The following SFTPD variants were observed in gnomAD, a reference collection of about 807,000 sequenced individuals.
SFTPD encodes the protein pulmonary surfactant-associated protein D.
A neutral mutation model predicts 34.6 loss-of-function variants in SFTPD; 18 were observed. That is an observed-to-expected ratio of 0.52 (90% CI 0.36 to 0.77). SFTPD has a LOEUF of 0.77. Among genes scored for constraint, SFTPD ranks in the 30% least tolerant of loss-of-function variants. The probability of loss-of-function intolerance (pLI) is 0.00; values close to 1 mark genes in which losing one functional copy is unlikely to be tolerated. For missense variants in SFTPD, 433 were observed against 468.9 expected, an observed-to-expected ratio of 0.92 and a Z score of 0.71; for synonymous variants, 155 against 180.9, an observed-to-expected ratio of 0.86 and a Z score of 1.15.
chr10:79,945,328 C>A (rs1330946160), intron 2 of SFTPD, among the ~76,000 whole-genome samples: 2 of 152,142 alleles, frequency 1.3e-5, no homozygotes, highest in Non-Finnish European at 2.9e-5. Context: ...CCTGGACAGC[C>A]CTCCCCAAGC....
intron 2 of SFTPD, among the ~76,000 whole-genome samples, chr10:79,944,554 G>A (rs958880426): frequency 6.6e-6 from 1 of 152,134 alleles, no homozygotes; most frequent in African/African-American, 2.4e-5. Context: ...AAGCTATGTG[G>A]TTGGAGCTGA....
chr10:79,974,545 G>A (rs1201928917), intron 1 of SFTPD, among the ~76,000 whole-genome samples: 1 of 151,398 alleles, frequency 6.6e-6, no homozygotes. Context: ...TAGTTCTCTG[G>A]TTCATTAAAA....
chr10:79,944,209 C>T (rs1842643288), intron 2 of SFTPD, among the ~76,000 whole-genome samples: 1 of 152,260 alleles, frequency 6.6e-6, no homozygotes, highest in Non-Finnish European at 1.5e-5. Context: ...TCTCTGGAGC[C>T]TCTAATACAT....
chr10:79,945,746 A>AT (rs1185455340), intron 2 of SFTPD, among the ~76,000 whole-genome samples: 3 of 152,172 alleles, frequency 2.0e-5, no homozygotes, highest in African/African-American at 7.2e-5. Context: ...CCATTACCAG[A>AT]TAAAAAAAAC....
In SFTPD at chr10:79,942,844, C is replaced by G; in HGVS notation, c.235G>C (p.Gly79Arg). ...TTGGGCCCAACTGGGCCAGCTTGTCCAGGCATCCCTGCTTGCCCTGCAGCT... is the reference window on the plus strand; with the variant it reads ...TTGGGCCCAACTGGGCCAGCTTGTCGAGGCATCCCTGCTTGCCCTGCAGCT... ...PGAAGQAGMPGQAGPVGPKGD... is the reference protein window; with the variant it reads ...PGAAGQAGMPRQAGPVGPKGD... The change falls in exon 3 of 8, where the codon GGA becomes CGA. Residue 79 changes from glycine to arginine, a missense_variant. By Grantham distance (125) the Gly-to-Arg change is moderately radical. Transcript: ENST00000372292. 6.2e-7 allele frequency: 1 copy of G among 1,614,038 alleles called. No homozygotes were observed. Among genetic ancestry groups the G allele is most frequent in the South Asian group, 1.1e-5 (1 of 91,076 alleles).
chr10:79,974,511 A>G (rs181506564), intron 1 of SFTPD, among the ~76,000 whole-genome samples: 2 of 152,280 alleles, frequency 1.3e-5, no homozygotes. Context: ...AGTCATGCCT[A>G]TATTTTCAAG....
chr10:79,946,959 A>C (rs1393175592), intron 1 of SFTPD, among the ~76,000 whole-genome samples: 1 of 152,210 alleles, frequency 6.6e-6, no homozygotes, highest in East Asian at 1.9e-4. Flanking sequence ...AGTTTGGCAC[A>C]GTGGCTAGGA....
At chr10:79,973,617 C>CA (rs5786429) in intron 1 of SFTPD, among the ~76,000 whole-genome samples, 43,115 of 90,482 alleles carry the variant, frequency 0.48, 9,828 homozygotes, top group African/African-American at 0.53. Context: ...GACTCTGTCT[C>CA]AAAAAAAAAA....
intron 1 of SFTPD, chr10:79,970,581 T>C (rs1842829670): frequency 6.6e-6 from 1 of 152,172 alleles, no homozygotes; most frequent in Admixed American, 6.5e-5. Context: ...AGAGATCTTT[T>C]ATCTCCTCAT....
intron 2 of SFTPD, among the ~76,000 whole-genome samples, chr10:79,943,692 C>T (rs1486797668): frequency 1.3e-5 from 2 of 152,170 alleles, no homozygotes; most frequent in East Asian, 1.9e-4. Flanking sequence ...CCAGCAGCAC[C>T]ACCACCTGGA....
At chr10:79,972,987 A>G (rs1451058170) in intron 1 of SFTPD, 4 of 152,214 alleles carry the variant, frequency 2.6e-5, no homozygotes, top group Admixed American at 6.5e-5. Flanking sequence ...GATTGACTCA[A>G]TGAGCTTATA....
At chr10:79,942,308 T>C in intron 4 of SFTPD, 80 bp downstream of exon 4, 2 of 995,276 alleles carry the variant, frequency 2.0e-6, no homozygotes, top group Non-Finnish European at 3.2e-6. Context: ...CCTGGCACTC[T>C]GAGCACGCCT....
At chr10:79,951,257 A>G (rs563379732), upstream of SFTPD, among the ~76,000 whole-genome samples, 12 of 152,302 alleles carry the variant, frequency 7.9e-5, no homozygotes, top group African/African-American at 2.6e-4. Flanking sequence ...ATGTCAAAAT[A>G]CTGGTTTTTC....
chr10:79,942,202 G>T, intron 4 of SFTPD, 132 bp from the exon 5 acceptor site: 1 of 770,152 alleles, frequency 1.3e-6, no homozygotes, highest in South Asian at 1.7e-5. Flanking sequence ...CTTGCTTTCT[G>T]GGGCTCCTCT....
chr10:79,953,161 C>T (rs2097255031), upstream of SFTPD, among the ~76,000 whole-genome samples: 1 of 152,230 alleles, frequency 6.6e-6, no homozygotes, highest in South Asian at 2.1e-4. Context: ...TCCAATGTCT[C>T]TAGACAGCCA....
At chr10:79,941,562 T>G in intron 5 of SFTPD, 48 bp from the exon 6 acceptor site, 1 of 1,466,302 alleles carries the variant, frequency 6.8e-7, no homozygotes, top group Non-Finnish European at 9.2e-7. Context: ...TTTTATTTTT[T>G]TTGTTTTTAG....
At chr10:79,973,224 G>A in intron 1 of SFTPD, 1 of 152,094 alleles carries the variant, frequency 6.6e-6, no homozygotes, top group South Asian at 2.1e-4. Flanking sequence ...AAGCCTCTTG[G>A]TTGTGTTTCT....
chr10:79,971,453 C>G lies in SFTPD; in HGVS notation c.36+11122G>C, dbSNP rs1842833897. On this transcript the variant is annotated intron_variant, in intron 1 of 5. Transcript: ENST00000444384. ...TTGGTATTAGTTCTTTCTTAAATATCTGGCATAATTCAGCAATAAAGCCAT... is the reference window on the plus strand; with the variant it reads ...TTGGTATTAGTTCTTTCTTAAATATGTGGCATAATTCAGCAATAAAGCCAT... 3 of 152,124 alleles carry G rather than the reference C, an allele frequency of 2.0e-5. No individual in the cohort carries two copies. The South Asian group carries it at 6.2e-4, about 31-fold the overall frequency. The allele number at this position is 152,124 out of a possible 1,614,324, so 9.4% of individuals were successfully genotyped here. A position where few individuals can be genotyped will look rare whatever the true frequency, so the allele number is the denominator to read the frequency against.
chr10:79,937,740 T>C lies in SFTPD; in HGVS notation c.*112A>G. The C allele has an allele frequency of 2.5e-6, 3 of 1,202,420 alleles. No homozygotes were observed. Among genetic ancestry groups the C allele is most frequent in the Non-Finnish European group, 3.4e-6 (3 of 877,222 alleles). 74.5% of individuals were successfully genotyped at this position (1,202,420 alleles called of 1,614,324 possible). ...TTGGCCACATTCTGGAGAGAAGTCC[T>C]TCCCGGCACAGATGGTCACCTTTTT... On this transcript the variant is annotated 3_prime_UTR_variant, in exon 8 of 8. Coordinates refer to ENST00000372292, the MANE Select transcript of SFTPD (RefSeq NM_003019.5).
Sources: allele counts gnomAD v4.1 joint callset (sites outside exome capture counted in the v4.1 genomes callset), GRCh38; gene constraint gnomAD v4.1.1; transcripts MANE v1.5; gene names NCBI Gene and HGNC (gene_info 2026-07-23, HGNC 2026-07-21).